The following AMZ1 variants were observed in gnomAD, a reference collection of about 807,000 sequenced individuals.
AMZ1 encodes the protein archaelysin family metallopeptidase 1.
A neutral mutation model predicts 29.9 loss-of-function variants in AMZ1; 39 were observed. The observed-to-expected ratio is 1.30, with a 90% CI of 1.01 to 1.70. The LOEUF is 1.70. Ranked by LOEUF, AMZ1 falls within the 40% of genes most tolerant of loss-of-function variation. The pLI, the probability that AMZ1 is intolerant of heterozygous loss-of-function variation, is 0.00. For synonymous variants in AMZ1, 458 were observed against 304.0 expected (o/e 1.51, Z -5.27); for missense variants, 1,041 against 680.6 (o/e 1.53, Z -5.89).
At chr7:2,708,979 G>A in intron 4 of AMZ1, 96 bp from the exon 5 acceptor site, 1 of 1,427,330 alleles carries the variant, frequency 7.0e-7, no homozygotes, top group Non-Finnish European at 9.4e-7. Context: ...TTTGGGCCAT[G>A]GCCAGCTTGC....
At chr7:2,745,716 C>G (rs1222644637) in intron 4 of AMZ1, among the ~76,000 whole-genome samples, 1 of 152,204 alleles carries the variant, frequency 6.6e-6, no homozygotes. Flanking sequence ...TTAAAAGACA[C>G]AGACTGGCAA....
rs200983618 is a variant in AMZ1 at position 2,709,813 on chromosome 7, C to A, written c.945C>A (p.Tyr315Ter). 2.5e-6 allele frequency: 4 copies of A among 1,611,706 alleles called. No individual in the cohort carries two copies. In the African/African-American group the frequency reaches 5.3e-5, roughly 22 times the overall value. Reference sequence around the variant, plus strand: ...TGGGTTTCAGGCTCATCGAGAGGTACCAGGTGAGTGGCTGAGTTGCGCTGC... The same window carrying A: ...TGGGTTTCAGGCTCATCGAGAGGTAACAGGTGAGTGGCTGAGTTGCGCTGC... ...HVLGFRLIER[Y>*]QRLYTWTQAV... is the part of the protein sequence containing the mutation. The change falls in exon 6 of 7, where the codon TAC (tyrosine) becomes TAA (stop). Residue 315 changes from tyrosine (Y) to a stop codon, truncating the protein, a stop_gained. Transcript: ENST00000683327. LOFTEE classifies it low-confidence loss of function (END_TRUNC).
At chr7:2,754,152 T>G (rs1791177663) in intron 4 of AMZ1, among the ~76,000 whole-genome samples, 1 of 151,216 alleles carries the variant, frequency 6.6e-6, no homozygotes, top group South Asian at 2.1e-4. Flanking sequence ...TATTTTCTAT[T>G]GTATCTGTGT....
chr7:2,731,192 T>G lies in AMZ1; in HGVS notation n.550+21376T>G. ...CGGGGCTTCCTCGCTCACTGCAGCA[T>G]GATGTCCTTCAGGTTCTCCTGCAGG... On this transcript the variant is annotated intron_variant and non_coding_transcript_variant, in intron 4 of 4. Coordinates refer to the AMZ1 transcript ENST00000489665. This position sits in a 1 kb window ranked among gnomAD's most constrained non-coding sequence, Gnocchi z 6.0. 1 of 1,609,712 alleles carries G rather than the reference T, an allele frequency of 6.2e-7. No individual in the cohort carries two copies. The highest frequency in any genetic ancestry group is 1.1e-5 in the South Asian group (1 of 90,888).
At chr7:2,745,777 C>G (rs1756670145) in intron 4 of AMZ1, among the ~76,000 whole-genome samples, 1 of 152,156 alleles carries the variant, frequency 6.6e-6, no homozygotes. Context: ...GGAAACCCAT[C>G]TCACGTGCAG....
chr7:2,752,087 A>G (rs573120830), intron 4 of AMZ1, among the ~76,000 whole-genome samples: 3 of 152,358 alleles, frequency 2.0e-5, no homozygotes, highest in South Asian at 2.1e-4. Context: ...AAAAGACACA[A>G]TATCTTTAAC....
intron 4 of AMZ1, among the ~76,000 whole-genome samples, chr7:2,740,489 G>A (rs190340808): frequency 6.6e-6 from 1 of 152,176 alleles, no homozygotes; most frequent in Non-Finnish European, 1.5e-5. Flanking sequence ...CTGCCACCCA[G>A]ATCCTCAATT....
At chr7:2,754,076 A>G (rs1583240058) in intron 4 of AMZ1, among the ~76,000 whole-genome samples, 1 of 151,886 alleles carries the variant, frequency 6.6e-6, no homozygotes, top group Non-Finnish European at 1.5e-5. Flanking sequence ...GTACCCTTTT[A>G]CCTCCCCACC....
At chr7:2,683,621 A>G (rs113218586), upstream of AMZ1, among the ~76,000 whole-genome samples, 5,946 of 151,766 alleles carry the variant, frequency 0.039, 357 homozygotes, top group African/African-American at 0.14. Flanking sequence ...TATATTTTTA[A>G]TAGAGACGGG....
intron 4 of AMZ1, chr7:2,733,349 C>A (rs769138607): frequency 2.0e-5 from 18 of 897,094 alleles, no homozygotes; most frequent in Non-Finnish European, 3.3e-5. Flanking sequence ...CAAGCTCGGC[C>A]TGTCAGTCCA....
At chr7:2,710,815 C>A (rs75865347) in intron 6 of AMZ1, among the ~76,000 whole-genome samples, 1 of 152,170 alleles carries the variant, frequency 6.6e-6, no homozygotes, top group African/African-American at 2.4e-5. Context: ...GAGCATCTCC[C>A]GAGGGTACAG....
chr7:2,741,536 T>C (rs1790504189), intron 4 of AMZ1, among the ~76,000 whole-genome samples: 1 of 152,166 alleles, frequency 6.6e-6, no homozygotes, highest in Non-Finnish European at 1.5e-5. Flanking sequence ...CCAGCCTTTG[T>C]AGTAGCCAGA....
intron 4 of AMZ1, among the ~76,000 whole-genome samples, chr7:2,736,083 A>T (rs1239585061): frequency 1.3e-5 from 2 of 152,206 alleles, no homozygotes; most frequent in African/African-American, 4.8e-5. Flanking sequence ...TTACAGCAGC[A>T]GCTCATTAAA....
chr7:2,721,664 C>T (rs1459879646), downstream of AMZ1, among the ~76,000 whole-genome samples: 4 of 150,666 alleles, frequency 2.7e-5, no homozygotes, highest in South Asian at 2.1e-4. Context: ...TGCAGTGAGC[C>T]GAGATCGCGA....
At chr7:2,698,504 T>C (rs1411211601) in intron 1 of AMZ1, among the ~76,000 whole-genome samples, 2 of 151,128 alleles carry the variant, frequency 1.3e-5, no homozygotes, top group East Asian at 1.9e-4. Flanking sequence ...CGACACTGCA[T>C]TCTAGCCTGG....
chr7:2,743,605 G>A (rs28835381), intron 4 of AMZ1, among the ~76,000 whole-genome samples: 283 of 152,298 alleles, frequency 1.9e-3, no homozygotes, highest in African/African-American at 6.2e-3. Context: ...AGCTCCCAGC[G>A]TGAGCAATGC....
intron 2 of AMZ1, among the ~76,000 whole-genome samples, 168 bp downstream of exon 2, chr7:2,700,923 C>T (rs1000504464): frequency 2.0e-5 from 3 of 152,210 alleles, no homozygotes; most frequent in Admixed American, 6.5e-5. Context: ...TGGGCCAAGG[C>T]TTCCTTCCTC....
intron 4 of AMZ1, chr7:2,728,821 G>A (rs1207533946): frequency 2.6e-5 from 4 of 152,348 alleles, no homozygotes; most frequent in African/African-American, 9.7e-5. Context: ...CTTTAAAAAC[G>A]TTCTAATTCA....
In AMZ1 at chr7:2,717,504, G is replaced by A. The variant is rs1583187616; in HGVS notation, c.*4626G>A. Among the ~76,000 whole-genome samples the A allele has an allele frequency of 6.6e-6, 1 of 152,252 alleles. No homozygotes were observed. Among genetic ancestry groups the A allele is most frequent in the South Asian group, 2.1e-4 (1 of 4,838 alleles). On this transcript the variant is annotated 3_prime_UTR_variant, in exon 7 of 7. Transcript: ENST00000683327. ...CTCACCCCGCACGCAGGCTGCTCCA[G>A]AGCTGAAATCTAGCTGTGATCCCTG... is the stretch of plus-strand genomic sequence containing the variant.
Sources: gnomAD v4.1 joint callset for allele counts (sites outside exome capture counted in the v4.1 genomes callset) on GRCh38, gnomAD v4.1.1 for gene constraint, Gnocchi (gnomAD v3.1) non-coding constraint, MANE v1.5 for transcripts, NCBI Gene and HGNC (gene_info 2026-07-23, HGNC 2026-07-21) for gene names.